The following LRP1B variants were observed in gnomAD, a reference collection of about 807,000 sequenced individuals.
The protein encoded by LRP1B is LDL receptor related protein 1B.
Under a neutral mutation model 556.6 loss-of-function variants are expected in LRP1B, and 217 were observed. The observed-to-expected ratio is 0.39, with a 90% CI of 0.35 to 0.44. The LOEUF is 0.44. LRP1B is among the 20% of genes least tolerant of loss of function. The pLI is 1.00. For missense variants in LRP1B, 5,053 were observed against 5,620.8 expected, an observed-to-expected ratio of 0.90 and a Z score of 3.23; for synonymous variants, 2,047 against 1,865.8, an observed-to-expected ratio of 1.10 and a Z score of -2.50.
intron 47 of LRP1B, among the ~76,000 whole-genome samples, chr2:140,532,974 A>G (rs1032102148): frequency 1.3e-5 from 1 of 76,784 alleles, no homozygotes; most frequent in African/African-American, 3.4e-5. Context: ...ATCTGTTTAC[A>G]TGGCTGTCTT....
intron 3 of LRP1B, among the ~76,000 whole-genome samples, chr2:141,476,410 C>G (rs897547318): frequency 6.6e-6 from 1 of 152,124 alleles, no homozygotes; most frequent in African/African-American, 2.4e-5. Context: ...TTACAGGATG[C>G]ATTTTCATTG....
At chr2:141,810,185 G>GAAAGAAAGAAAGA in intron 2 of LRP1B, 94 bp downstream of exon 2, 2 of 1,002,348 alleles carry the variant, frequency 2.0e-6, no homozygotes, top group East Asian at 2.8e-5. Context: ...AAGAAAGAAA[G>GAAAGAAAGAAAGA]AATCATCTAG....
At chr2:141,502,990 G>A (rs1257670804) in intron 2 of LRP1B, among the ~76,000 whole-genome samples, 1 of 150,634 alleles carries the variant, frequency 6.6e-6, no homozygotes. Flanking sequence ...AGGCTATTTT[G>A]CACATTAAAG....
intron 1 of LRP1B, among the ~76,000 whole-genome samples, chr2:142,113,695 A>G (rs1426118037): frequency 4.6e-5 from 7 of 152,068 alleles, no homozygotes; most frequent in Non-Finnish European, 1.0e-4. Context: ...TTTCAAGAAG[A>G]TTCTGGACAC....
At chr2:140,945,920 C>A (rs958117270) in intron 20 of LRP1B, among the ~76,000 whole-genome samples, 2 of 152,122 alleles carry the variant, frequency 1.3e-5, no homozygotes, top group Admixed American at 6.6e-5. Flanking sequence ...AGTAAACAGA[C>A]AACCTGCAGA....
At chr2:141,234,385 T>G in intron 5 of LRP1B, among the ~76,000 whole-genome samples, 1 of 152,138 alleles carries the variant, frequency 6.6e-6, no homozygotes, top group African/African-American at 2.4e-5. Context: ...TTTTATTTTT[T>G]TATTTTTTTG....
chr2:141,601,196 CTGTCAG>C lies in LRP1B; in HGVS notation c.206-120669_206-120664del, dbSNP rs1415467235. Among the ~76,000 whole-genome samples, 96 of 124,586 alleles carry C rather than the reference CTGTCAG, an allele frequency of 7.7e-4. 1 individual carries two copies. The highest frequency in any genetic ancestry group is 2.7e-3 in the African/African-American group (85 of 31,372). The allele number at this position is 124,586 out of a possible 152,430, so 81.7% of individuals were successfully genotyped here. On this transcript the variant is annotated intron_variant, in intron 2 of 90. Coordinates refer to ENST00000389484, the MANE Select transcript of LRP1B (RefSeq NM_018557.3). ...TCCTAAACATATAGTATCTGTCTGT[CTGTCAG>C]TATCTATCTATCTATCTATCTATCT...
chr2:142,070,453 C>A lies in LRP1B; in HGVS notation c.82+60195G>T, dbSNP rs1443783474. On this transcript the variant is annotated intron_variant, in intron 1 of 90. Transcript: ENST00000389484. Reference sequence around the variant, plus strand: ...ACTTGGGTTCTAACACAAATCATGTCTTTCCTTCTCTCCAACTGCTTCACA... The same window carrying A: ...ACTTGGGTTCTAACACAAATCATGTATTTCCTTCTCTCCAACTGCTTCACA... 4.0e-5 allele frequency among the ~76,000 whole-genome samples: 6 copies of A among 151,826 alleles called. 1 individual carries two copies. The highest frequency in any genetic ancestry group is 3.3e-4 in the Admixed American group (5 of 15,204).
intron 31 of LRP1B, among the ~76,000 whole-genome samples, chr2:140,822,999 T>G (rs1191664804): frequency 1.3e-5 from 2 of 152,190 alleles, no homozygotes; most frequent in Non-Finnish European, 2.9e-5. Context: ...TGCAAGTGCT[T>G]AAAAAGTAGT....
At chr2:140,858,623 G>A (rs966084586) in intron 27 of LRP1B, among the ~76,000 whole-genome samples, 5 of 151,668 alleles carry the variant, frequency 3.3e-5, no homozygotes, top group Admixed American at 6.6e-5. Context: ...GGATGTGCAG[G>A]TTTGTTACAT....
At chr2:140,398,118 T>C (rs1365335822) in intron 66 of LRP1B, among the ~76,000 whole-genome samples, 1 of 152,170 alleles carries the variant, frequency 6.6e-6, no homozygotes, top group Non-Finnish European at 1.5e-5. Flanking sequence ...CTTTTCATAA[T>C]GTGGAATAAC....
At chr2:141,151,915 A>G (rs1701936184) in intron 7 of LRP1B, among the ~76,000 whole-genome samples, 1 of 152,106 alleles carries the variant, frequency 6.6e-6, no homozygotes, top group Non-Finnish European at 1.5e-5. Flanking sequence ...CTATGGCAAG[A>G]TGTCACTTTA....
chr2:142,016,406 T>C (rs551093559), intron 1 of LRP1B, among the ~76,000 whole-genome samples: 2 of 152,128 alleles, frequency 1.3e-5, no homozygotes, highest in Admixed American at 6.5e-5. Flanking sequence ...CTATTCACAA[T>C]AGCAAAGACT....
intron 23 of LRP1B, 43 bp downstream of exon 23, chr2:140,902,877 A>C: frequency 6.3e-7 from 1 of 1,589,696 alleles, no homozygotes; most frequent in East Asian, 2.3e-5. Flanking sequence ...TTCTTTCAAG[A>C]TCTATTCTTA....
At chr2:140,424,567 A>G (rs1022183155) in intron 66 of LRP1B, among the ~76,000 whole-genome samples, 2 of 152,238 alleles carry the variant, frequency 1.3e-5, no homozygotes, top group Admixed American at 6.5e-5. Context: ...CCAAAAACTT[A>G]CAGTGCCAAC....
At chr2:141,733,775 T>C (rs1693365153) in intron 2 of LRP1B, among the ~76,000 whole-genome samples, 2 of 152,174 alleles carry the variant, frequency 1.3e-5, no homozygotes, top group Non-Finnish European at 2.9e-5. Flanking sequence ...CCTTCTTTTC[T>C]GCCTGCCTAA....
intron 3 of LRP1B, among the ~76,000 whole-genome samples, chr2:141,279,738 T>C: frequency 6.6e-6 from 1 of 152,120 alleles, no homozygotes; most frequent in East Asian, 1.9e-4. Context: ...AGGCAAGCTC[T>C]GACTTACGAT....
intron 60 of LRP1B, among the ~76,000 whole-genome samples, chr2:140,458,587 T>G (rs2105325727): frequency 6.6e-6 from 1 of 152,254 alleles, no homozygotes; most frequent in South Asian, 2.1e-4. Flanking sequence ...AGATGTACTT[T>G]TAGAAATTCT....
chr2:141,646,585 T>C lies in LRP1B; in HGVS notation c.205+163694A>G, dbSNP rs74357482. Among the ~76,000 whole-genome samples the C allele has an allele frequency of 3.3e-5, 5 of 152,242 alleles. No individual in the cohort carries two copies. The East Asian group carries it at 7.7e-4, about 24-fold the overall frequency. On this transcript the variant is annotated intron_variant, in intron 2 of 90. Transcript: ENST00000389484. ...TGCTCATTGGGTGTATAGCAACAAC[T>C]AGGACTAGTTACAACCCACCAAGAA...
Sources: allele counts gnomAD v4.1 joint callset (sites outside exome capture counted in the v4.1 genomes callset), GRCh38; gene constraint gnomAD v4.1.1; transcripts MANE v1.5; gene names NCBI Gene and HGNC (gene_info 2026-07-23, HGNC 2026-07-21).